The following ZNF362 variants were observed in gnomAD, a reference collection of about 807,000 sequenced individuals.
The protein encoded by ZNF362 is zinc finger protein 362.
In ZNF362, 11 loss-of-function variants were observed where a neutral mutation model predicts 42.9. The observed-to-expected ratio is 0.26, with a 90% confidence interval of 0.16 to 0.42. The LOEUF (loss-of-function observed/expected upper bound fraction) is 0.42, where lower values mean the gene tolerates loss of function less well. ZNF362 is among the 20% of genes least tolerant of loss of function. The pLI is 1.00. For synonymous variants in ZNF362, 255 were observed against 257.3 expected (o/e 0.99, Z 0.09); for missense variants, 362 against 576.2 (o/e 0.63, Z 3.81).
At chr1:33,229,069 T>A in the ZNF362 span, among the ~76,000 whole-genome samples, 2 of 152,108 alleles carry the variant, frequency 1.3e-5, no homozygotes, top group Non-Finnish European at 2.9e-5. Flanking sequence ...TCACATTTCC[T>A]TCCGCCTCTG....
the ZNF362 span, among the ~76,000 whole-genome samples, chr1:33,159,518 A>G: frequency 6.6e-6 from 1 of 152,274 alleles, no homozygotes; most frequent in African/African-American, 2.4e-5. The surrounding 1 kb of genome is among the most constrained non-coding windows in gnomAD (Gnocchi z 4.2). Context: ...CACTGGCTTC[A>G]TACTCAAGGC....
At chr1:33,250,852 G>GGAAGAAGAAGAAGAA in the ZNF362 span, among the ~76,000 whole-genome samples, 16,251 of 137,374 alleles carry the variant, frequency 0.12, 1,176 homozygotes, top group South Asian at 0.15. Context: ...GAAGAAAGAA[G>GGAAGAAGAAGAAGAA]GAAGAAGAAG....
At chr1:33,141,414 A>G in the ZNF362 span, among the ~76,000 whole-genome samples, 4 of 152,108 alleles carry the variant, frequency 2.6e-5, no homozygotes, top group Non-Finnish European at 4.4e-5. Flanking sequence ...CAGCTCCACC[A>G]TATGCTGTGT....
chr1:33,206,630 A>G, the ZNF362 span, among the ~76,000 whole-genome samples: 29 of 152,254 alleles, frequency 1.9e-4, no homozygotes, highest in African/African-American at 7.0e-4. Flanking sequence ...AAAAAATACT[A>G]TTATAAAAAC....
intron 6 of ZNF362, among the ~76,000 whole-genome samples, chr1:33,292,394 A>T (rs1318471636): frequency 6.6e-6 from 1 of 152,236 alleles, no homozygotes; most frequent in Non-Finnish European, 1.5e-5. Flanking sequence ...ATGTTGAACC[A>T]GCCTTGCATC....
intron 7 of ZNF362, 44 bp downstream of exon 7, chr1:33,295,059 C>CT: frequency 6.2e-7 from 1 of 1,610,104 alleles, no homozygotes; most frequent in Non-Finnish European, 8.5e-7. Flanking sequence ...CTCTGGTGCC[C>CT]CCCCACCCAC....
the ZNF362 span, among the ~76,000 whole-genome samples, chr1:33,236,087 C>G: frequency 6.6e-6 from 1 of 152,138 alleles, no homozygotes; most frequent in South Asian, 2.1e-4. Context: ...GAGGTCACTT[C>G]TCAGGGCTTC....
chr1:33,298,913 C>T lies in ZNF362; in HGVS notation c.1147-17C>T. 3 of 1,609,014 alleles carry T rather than the reference C, an allele frequency of 1.9e-6. No homozygotes were observed. Among genetic ancestry groups the T allele is most frequent in the Non-Finnish European group, 2.6e-6 (3 of 1,175,650 alleles). On this transcript the variant is annotated splice_polypyrimidine_tract_variant and intron_variant, in intron 8 of 8. Coordinates refer to ENST00000539719, the MANE Select transcript of ZNF362 (RefSeq NM_152493.3). ...TTGCTGGTGGTTCCCTGTTCTGAAT[C>T]TCATCCCTGCCCACAGGAGACCTAC...
the ZNF362 span, among the ~76,000 whole-genome samples, chr1:33,171,178 C>T: frequency 6.6e-6 from 1 of 152,220 alleles, no homozygotes. Flanking sequence ...AGAAATTTTA[C>T]TCCAGCAGAG....
At chr1:33,181,499 C>G in the ZNF362 span, 2 of 1,499,566 alleles carry the variant, frequency 1.3e-6, no homozygotes, top group African/African-American at 2.8e-5. This position sits in a 1 kb window ranked among gnomAD's most constrained non-coding sequence, Gnocchi z 6.5. Context: ...GCGGCGCTGT[C>G]GGAGGCAGCA....
the ZNF362 span, among the ~76,000 whole-genome samples, chr1:33,183,672 AG>A: frequency 6.6e-6 from 1 of 152,206 alleles, no homozygotes; most frequent in Non-Finnish European, 1.5e-5. Flanking sequence ...AGCCTATGGC[AG>A]AGAGGGGTTT....
chr1:33,241,757 A>T, the ZNF362 span, among the ~76,000 whole-genome samples: 1 of 152,228 alleles, frequency 6.6e-6, no homozygotes. Flanking sequence ...ATAAAAGGGA[A>T]ATATTAGAAC....
chr1:33,155,047 C>T, the ZNF362 span, among the ~76,000 whole-genome samples: 3 of 142,930 alleles, frequency 2.1e-5, no homozygotes, highest in Non-Finnish European at 4.6e-5. Flanking sequence ...GAGCCGAGAT[C>T]GCGCCACTGC....
chr1:33,265,508 G>T (rs995592612), intron 1 of ZNF362, among the ~76,000 whole-genome samples: 3 of 152,076 alleles, frequency 2.0e-5, no homozygotes, highest in Non-Finnish European at 4.4e-5. Context: ...CTTTCCTTCC[G>T]GGGAAGGAAG....
chr1:33,140,634 A>G, the ZNF362 span, among the ~76,000 whole-genome samples: 3 of 152,232 alleles, frequency 2.0e-5, no homozygotes, highest in Non-Finnish European at 2.9e-5. This position sits in a 1 kb window ranked among gnomAD's most constrained non-coding sequence, Gnocchi z 4.0. Context: ...CATCAGTCCC[A>G]ATGCTTTCAC....
At chr1:33,274,960 G>T (rs1397155948) in intron 2 of ZNF362, 1 of 985,208 alleles carries the variant, frequency 1.0e-6, no homozygotes, top group African/African-American at 1.7e-5. Context: ...TGTCCTTATT[G>T]AGGGTTTTCT....
chr1:33,202,936 T>G, the ZNF362 span, among the ~76,000 whole-genome samples: 1 of 152,170 alleles, frequency 6.6e-6, no homozygotes, highest in African/African-American at 2.4e-5. Context: ...GTTAATGTAG[T>G]CAAGCAAATT....
At chr1:33,127,712 A>T in the ZNF362 span, among the ~76,000 whole-genome samples, 2 of 152,230 alleles carry the variant, frequency 1.3e-5, no homozygotes, top group African/African-American at 4.8e-5. Context: ...GTCCTTCTCA[A>T]CCATCAATTT....
chr1:33,230,462 C>G, the ZNF362 span, among the ~76,000 whole-genome samples: 1 of 152,176 alleles, frequency 6.6e-6, no homozygotes, highest in African/African-American at 2.4e-5. Context: ...AGTCATGGCT[C>G]TCTCCAGCTT....
Sources: gnomAD v4.1 joint callset for allele counts (sites outside exome capture counted in the v4.1 genomes callset) on GRCh38, gnomAD v4.1.1 for gene constraint, Gnocchi (gnomAD v3.1) non-coding constraint, MANE v1.5 for transcripts, NCBI Gene and HGNC (gene_info 2026-07-23, HGNC 2026-07-21) for gene names.